Variants in FRMD4A observed in about 807,000 individuals in gnomAD.
FRMD4A encodes the protein FERM domain-containing protein 4A.
Under a neutral mutation model 129.1 loss-of-function variants are expected in FRMD4A, and 29 were observed. The ratio of observed to expected loss-of-function variants is 0.22; its 90% CI spans 0.17 to 0.31. The LOEUF is 0.31. Among genes scored for constraint, FRMD4A ranks in the 10% least tolerant of loss-of-function variants. The probability of loss-of-function intolerance (pLI) is 1.00; values close to 1 mark genes in which losing one functional copy is unlikely to be tolerated. For missense variants in FRMD4A, 1,272 were observed against 1,375.8 expected (o/e 0.92, Z 1.19); for synonymous variants, 634 against 571.6 (o/e 1.11, Z -1.56).
At chr10:14,212,620 A>G (rs1200272680) in intron 2 of FRMD4A, among the ~76,000 whole-genome samples, 1 of 152,246 alleles carries the variant, frequency 6.6e-6, no homozygotes, top group African/African-American at 2.4e-5. Context: ...TCTTGAAACC[A>G]GAGTAGGAGA....
chr10:14,298,308 G>A (rs1846074991), intron 2 of FRMD4A, among the ~76,000 whole-genome samples: 1 of 152,174 alleles, frequency 6.6e-6, no homozygotes, highest in Admixed American at 6.5e-5. Flanking sequence ...AAAAATCACT[G>A]AATCCTCTTG....
Position 13,643,997 on chromosome 10 carries a change from G to T in FRMD4A, c.*3041C>A, listed in dbSNP as rs1279806498. On this transcript the variant is annotated 3_prime_UTR_variant, in exon 25 of 25. Transcript: ENST00000357447. ...CTTGTAATAAACTATTGACATTAAT[G>T]TATATGTAAAACTTTACACCTAGTT... 6.6e-6 allele frequency: 1 copy of T among 152,560 alleles called. No homozygotes were observed. The highest frequency in any genetic ancestry group is 2.4e-5 in the African/African-American group (1 of 41,440). 9.5% of individuals were successfully genotyped at this position (152,560 alleles called of 1,614,324 possible).
chr10:13,798,589 C>T (rs910033753), intron 4 of FRMD4A, among the ~76,000 whole-genome samples: 14 of 151,354 alleles, frequency 9.2e-5, no homozygotes, highest in Admixed American at 3.3e-4. Context: ...TAGTGGCAGG[C>T]GCCTGTAGTC....
At chr10:13,912,276 G>T (rs2094948889) in intron 2 of FRMD4A, among the ~76,000 whole-genome samples, 1 of 152,138 alleles carries the variant, frequency 6.6e-6, no homozygotes, top group Admixed American at 6.5e-5. Flanking sequence ...CACTGCTGGT[G>T]GGACTGTGAC....
At chr10:13,809,807 C>A (rs1186502413) in intron 4 of FRMD4A, among the ~76,000 whole-genome samples, 1 of 152,222 alleles carries the variant, frequency 6.6e-6, no homozygotes, top group Non-Finnish European at 1.5e-5. Flanking sequence ...CCCAACGACA[C>A]CCCCTTTTGT....
chr10:13,795,456 G>T (rs112266615), intron 5 of FRMD4A, among the ~76,000 whole-genome samples: 2,028 of 152,338 alleles, frequency 0.013, 48 homozygotes, highest in African/African-American at 0.046. Context: ...TTTAACTCTT[G>T]TTTGAAGCCC....
Position 13,741,177 on chromosome 10 carries a change from C to T in FRMD4A, c.549-600G>A, listed in dbSNP as rs995621846. Among the ~76,000 whole-genome samples, 7 of 151,006 alleles carry T rather than the reference C, an allele frequency of 4.6e-5. No individual in the cohort carries two copies. In the East Asian group the frequency reaches 1.2e-3, roughly 26 times the overall value. On this transcript the variant is annotated intron_variant, in intron 9 of 24. Transcript: ENST00000357447. ...ATAAGACTGGAGCCCAGGCCGGGTGCAGTGGCTCACCCCTGTAATCCCAGT... is the reference window on the plus strand; with the variant it reads ...ATAAGACTGGAGCCCAGGCCGGGTGTAGTGGCTCACCCCTGTAATCCCAGT...
At chr10:14,221,572 C>T (rs1413749283) in intron 2 of FRMD4A, among the ~76,000 whole-genome samples, 1 of 152,122 alleles carries the variant, frequency 6.6e-6, no homozygotes, top group Non-Finnish European at 1.5e-5. Flanking sequence ...CTGACTATAT[C>T]TGTACTTCTT....
intron 12 of FRMD4A, among the ~76,000 whole-genome samples, chr10:13,730,239 G>A (rs925025805): frequency 6.6e-6 from 1 of 152,174 alleles, no homozygotes; most frequent in South Asian, 2.1e-4. Context: ...AGAGAGAGCC[G>A]GACGTGAGCC....
At chr10:14,119,730 C>A (rs1446643531) in intron 2 of FRMD4A, among the ~76,000 whole-genome samples, 2 of 152,318 alleles carry the variant, frequency 1.3e-5, no homozygotes, top group East Asian at 3.9e-4. Flanking sequence ...TTGCATCCTG[C>A]CCCACAGACC....
chr10:14,069,292 G>C (rs1185576744), intron 2 of FRMD4A, among the ~76,000 whole-genome samples: 2 of 152,130 alleles, frequency 1.3e-5, no homozygotes, highest in Non-Finnish European at 1.5e-5. Context: ...AATGACAGTA[G>C]CCATGGCACG....
intron 2 of FRMD4A, among the ~76,000 whole-genome samples, chr10:14,181,952 A>T (rs1038872574): frequency 1.3e-5 from 2 of 152,126 alleles, no homozygotes; most frequent in African/African-American, 4.8e-5. Context: ...CGGCCTCCCA[A>T]AGTGCATGCT....
intron 2 of FRMD4A, among the ~76,000 whole-genome samples, chr10:14,048,682 T>C (rs1388970892): frequency 6.6e-6 from 1 of 152,158 alleles, no homozygotes; most frequent in Non-Finnish European, 1.5e-5. Flanking sequence ...GTCAGGCACC[T>C]GTAGTCCCAG....
At chr10:13,973,987 A>C (rs147277056) in intron 2 of FRMD4A, among the ~76,000 whole-genome samples, 1 of 151,102 alleles carries the variant, frequency 6.6e-6, no homozygotes, top group East Asian at 1.9e-4. Context: ...TCTTATCCAA[A>C]GCATGTAATT....
intron 2 of FRMD4A, among the ~76,000 whole-genome samples, chr10:13,889,757 G>A (rs2094672920): frequency 6.6e-6 from 1 of 152,126 alleles, no homozygotes; most frequent in Admixed American, 6.6e-5. Flanking sequence ...GAAAGAATAA[G>A]AATTTAATTT....
chr10:14,061,428 A>T (rs1834808386), intron 2 of FRMD4A, among the ~76,000 whole-genome samples: 1 of 152,232 alleles, frequency 6.6e-6, no homozygotes, highest in South Asian at 2.1e-4. Flanking sequence ...ACAGAGTGAG[A>T]CTCCATCTCA....
intron 2 of FRMD4A, among the ~76,000 whole-genome samples, chr10:13,963,537 G>A (rs576186143): frequency 4.6e-5 from 7 of 152,192 alleles, no homozygotes; most frequent in South Asian, 4.2e-4. Flanking sequence ...AGATAAAAAC[G>A]AATCATTGAA....
At chr10:14,267,354 C>T (rs543340863) in intron 2 of FRMD4A, among the ~76,000 whole-genome samples, 230 of 152,294 alleles carry the variant, frequency 1.5e-3, no homozygotes, top group African/African-American at 5.3e-3. Context: ...TATATCTTCT[C>T]ATTTAATTCT....
intron 2 of FRMD4A, among the ~76,000 whole-genome samples, chr10:14,075,699 C>A (rs1329345334): frequency 1.3e-5 from 2 of 152,000 alleles, no homozygotes; most frequent in Non-Finnish European, 2.9e-5. Context: ...CCTTTATATC[C>A]ATATGCTGTA....
Sources: allele counts gnomAD v4.1 joint callset (sites outside exome capture counted in the v4.1 genomes callset), GRCh38; gene constraint gnomAD v4.1.1; transcripts MANE v1.5; gene names NCBI Gene and HGNC (gene_info 2026-07-23, HGNC 2026-07-21).